The following DCHS2 variants were observed in gnomAD, a reference collection of about 807,000 sequenced individuals.
DCHS2 encodes the protein protocadherin-23.
A neutral mutation model predicts 182.4 loss-of-function variants in DCHS2; 142 were observed. The ratio of observed to expected loss-of-function variants is 0.78; its 90% CI spans 0.68 to 0.89. DCHS2 has a LOEUF of 0.89. Ranked by LOEUF, DCHS2 falls within the 40% of genes least tolerant of loss-of-function variation. DCHS2 has a pLI of 0.00. For synonymous variants in DCHS2, 1,740 were observed against 1,663.3 expected, an observed-to-expected ratio of 1.05 and a Z score of -1.12; for missense variants, 4,319 against 4,198.6, an observed-to-expected ratio of 1.03 and a Z score of -0.79.
At chr4:154,378,447 GGGAAGGAAGGAA>G (rs201958929) in intron 1 of DCHS2, among the ~76,000 whole-genome samples, 1 of 138,922 alleles carries the variant, frequency 7.2e-6, no homozygotes, top group African/African-American at 2.6e-5. Context: ...AAGAGGAGGA[GGGAAGGAAGGAA>G]GGGAGGAAGG....
At chr4:154,456,931 C>A (rs1217297805) in intron 1 of DCHS2, among the ~76,000 whole-genome samples, 1 of 152,074 alleles carries the variant, frequency 6.6e-6, no homozygotes, top group Non-Finnish European at 1.5e-5. Context: ...ACTAATCAAC[C>A]TCAGTTTACT....
At chr4:154,248,034 A>C (rs778240808) in intron 16 of DCHS2, among the ~76,000 whole-genome samples, 4 of 152,192 alleles carry the variant, frequency 2.6e-5, no homozygotes, top group Non-Finnish European at 5.9e-5. Context: ...TCATGAAAAA[A>C]GAGGGCTTGA....
intron 17 of DCHS2, among the ~76,000 whole-genome samples, chr4:154,242,340 C>T (rs940373757): frequency 2.6e-5 from 4 of 152,080 alleles, no homozygotes; most frequent in African/African-American, 9.7e-5. Context: ...TTATCACAGT[C>T]AACAAAATAT....
At chr4:154,314,411 A>C (rs1735775450) in intron 10 of DCHS2, among the ~76,000 whole-genome samples, 1 of 152,198 alleles carries the variant, frequency 6.6e-6, no homozygotes, top group Non-Finnish European at 1.5e-5. Flanking sequence ...ATTGGAGCAA[A>C]CAATCGTTAG....
chr4:154,489,391 A>G lies in DCHS2; in HGVS notation c.1965T>C (p.Asp655=), dbSNP rs1440447329. The change falls in exon 1 of 20, where the codon GAT becomes GAC. Residue 655 remains aspartate (D), a synonymous_variant. Transcript: ENST00000357232. ...AGAAGATGGGCTCATTGTCATTCAC[A>G]TCATCTACGGTGATGCTCACCAGGC... is the stretch of plus-strand genomic sequence containing the variant. The part of the protein sequence containing the change: ...ATCLVSITVD[D]VNDNEPIFWR... 1.3e-6 allele frequency: 2 copies of G among 1,551,606 alleles called. No individual in the cohort carries two copies. The highest frequency in any genetic ancestry group is 2.0e-5 in the Admixed American group (1 of 50,996).
chr4:154,419,411 G>C (rs1226452864), intron 1 of DCHS2, among the ~76,000 whole-genome samples: 4 of 152,074 alleles, frequency 2.6e-5, no homozygotes, highest in Non-Finnish European at 4.4e-5. Context: ...GCTACTTTGT[G>C]AGGCTGAGGC....
intron 16 of DCHS2, among the ~76,000 whole-genome samples, chr4:154,247,996 A>C (rs940485676): frequency 1.2e-4 from 18 of 152,302 alleles, no homozygotes; most frequent in Non-Finnish European, 2.5e-4. Flanking sequence ...CTAGATGGAG[A>C]GGGCATAAAG....
intron 1 of DCHS2, among the ~76,000 whole-genome samples, chr4:154,403,200 A>G (rs1206303406): frequency 6.6e-6 from 1 of 152,134 alleles, no homozygotes. Flanking sequence ...ATATTACAAT[A>G]CTGATTAGAA....
intron 3 of DCHS2, among the ~76,000 whole-genome samples, chr4:154,344,493 T>C (rs1409904978): frequency 6.6e-6 from 1 of 152,238 alleles, no homozygotes; most frequent in Non-Finnish European, 1.5e-5. Flanking sequence ...ATATTTGTTT[T>C]GGTCAGGGTC....
chr4:154,471,209 C>A (rs563040292), intron 1 of DCHS2, among the ~76,000 whole-genome samples: 1 of 152,138 alleles, frequency 6.6e-6, no homozygotes, highest in South Asian at 2.1e-4. Context: ...ACAGTGTCTC[C>A]GACAGCCCAG....
intron 10 of DCHS2, among the ~76,000 whole-genome samples, chr4:154,310,927 A>G (rs1435338959): frequency 6.6e-6 from 1 of 152,204 alleles, no homozygotes; most frequent in Non-Finnish European, 1.5e-5. Flanking sequence ...CTGTTTTTGT[A>G]AAGTTTTATT....
At position 154,408,737 on chromosome 4, in the gene DCHS2, A is replaced by G. The variant is rs114027341; in HGVS notation, c.2053-31293T>C. 4.0e-3 allele frequency among the ~76,000 whole-genome samples: 610 copies of G among 152,306 alleles called. 3 individuals are homozygous for G. Among genetic ancestry groups the G allele is most frequent in the African/African-American group, 0.014 (583 of 41,566 alleles). On this transcript the variant is annotated intron_variant, in intron 1 of 19. Transcript: ENST00000357232. ...AACCTACGACAGACACAAAGAAAAG[A>G]GAAGAAAACATCTGGCCTCCACCAC...
intron 16 of DCHS2, among the ~76,000 whole-genome samples, chr4:154,253,754 A>G (rs187956890): frequency 4.6e-5 from 7 of 152,260 alleles, no homozygotes; most frequent in Non-Finnish European, 5.9e-5. Context: ...CTAAACATTT[A>G]AATTTTTAGC....
chr4:154,388,652 G>A (rs1731529145), intron 1 of DCHS2, among the ~76,000 whole-genome samples: 3 of 151,728 alleles, frequency 2.0e-5, no homozygotes, highest in African/African-American at 4.8e-5. Context: ...ACATCACCAC[G>A]GCTGTCTAAT....
chr4:154,332,372 C>G (rs6843162), intron 5 of DCHS2, 106 bp downstream of exon 5: 638,919 of 1,055,326 alleles, frequency 0.61, 194,311 homozygotes, highest in Admixed American at 0.67. Flanking sequence ...TGAGTTTTCT[C>G]AATCCTGATT....
chr4:154,450,094 G>A (rs4696576), intron 1 of DCHS2, among the ~76,000 whole-genome samples: 38,389 of 152,116 alleles, frequency 0.25, 6,167 homozygotes, highest in East Asian at 0.66. Context: ...CATGCAGAAG[G>A]AGCCGACCCC....
rs1384954033 is a variant in DCHS2 at position 154,489,762 on chromosome 4, G to T, written c.1594C>A (p.Leu532Ile). The change falls in exon 1 of 20, where the codon CTC becomes ATC. Residue 532 changes from leucine to isoleucine, a missense_variant. By Grantham distance (5) the Leu-to-Ile change is conservative. Transcript: ENST00000357232. ...CTGAAGAGAGGTGGTTGGTCATTGA[G>T]GTCAGCGACCCGGAGTAGCAGCGTC... ...EETLLLRVAD[L>I]NDQPPLFSQQ... 1 of 1,551,544 alleles carries T rather than the reference G, an allele frequency of 6.4e-7. No individual in the cohort carries two copies. Among genetic ancestry groups the T allele is most frequent in the East Asian group, 2.4e-5 (1 of 40,902 alleles).
intron 3 of DCHS2, among the ~76,000 whole-genome samples, chr4:154,351,428 A>G (rs976387097): frequency 7.2e-5 from 11 of 152,228 alleles, no homozygotes; most frequent in Admixed American, 2.0e-4. Flanking sequence ...AAAAATATTT[A>G]GAGTGGTATT....
At chr4:154,378,592 C>T (rs919657040) in intron 1 of DCHS2, among the ~76,000 whole-genome samples, 6 of 144,328 alleles carry the variant, frequency 4.2e-5, no homozygotes, top group Non-Finnish European at 9.3e-5. Context: ...CTACAGAACA[C>T]GTACTCTTAT....
Sources: allele counts gnomAD v4.1 joint callset (sites outside exome capture counted in the v4.1 genomes callset), GRCh38; gene constraint gnomAD v4.1.1; transcripts MANE v1.5; gene names NCBI Gene and HGNC (gene_info 2026-07-23, HGNC 2026-07-21).